ARID1B: variants seen among roughly 807,000 people sequenced by gnomAD.
ARID1B encodes AT-rich interactive domain-containing protein 1B.
ARID1B carries 30 observed loss-of-function variants against 212.3 expected under a neutral mutation model. The observed-to-expected ratio is 0.14, with a 90% confidence interval of 0.11 to 0.19. The LOEUF is 0.19. Among genes scored for constraint, ARID1B ranks in the 10% least tolerant of loss-of-function variants. ARID1B has a pLI of 1.00. For synonymous variants in ARID1B, 1,402 were observed against 1,301.7 expected, an observed-to-expected ratio of 1.08 and a Z score of -1.66; for missense variants, 2,891 against 3,204.0, an observed-to-expected ratio of 0.90 and a Z score of 2.36.
chr6:156,864,603 C>T (rs1420581366), intron 2 of ARID1B, among the ~76,000 whole-genome samples: 1 of 152,190 alleles, frequency 6.6e-6, no homozygotes, highest in Non-Finnish European at 1.5e-5. Flanking sequence ...GCCCACGTCC[C>T]CAGAGGCGTC....
intron 6 of ARID1B, among the ~76,000 whole-genome samples, chr6:157,125,228 T>C (rs1788057122): frequency 6.6e-6 from 1 of 152,106 alleles, no homozygotes; most frequent in Non-Finnish European, 1.5e-5. Flanking sequence ...GCACCAGCCT[T>C]GGGCACAAGC....
At chr6:156,926,775 A>G (rs112945826) in intron 3 of ARID1B, among the ~76,000 whole-genome samples, 6,181 of 152,198 alleles carry the variant, frequency 0.041, 426 homozygotes, top group African/African-American at 0.14. Flanking sequence ...TTCGCCTCCC[A>G]GGTTCAAGTG....
At chr6:157,128,193 G>A (rs1788272349) in intron 6 of ARID1B, among the ~76,000 whole-genome samples, 1 of 152,098 alleles carries the variant, frequency 6.6e-6, no homozygotes, top group Non-Finnish European at 1.5e-5. Context: ...AATTTGTTTA[G>A]GAGATTATGG....
Position 157,174,953 on chromosome 6 carries a change from A to G in ARID1B, c.3452A>G (p.Asp1151Gly). 1 of 1,532,326 alleles carries G rather than the reference A, an allele frequency of 6.5e-7. No homozygotes were observed. Among genetic ancestry groups the G allele is most frequent in the Non-Finnish European group, 8.8e-7 (1 of 1,137,596 alleles). The allele number at this position is 1,532,326 out of a possible 1,614,324, so 94.9% of individuals were successfully genotyped here. ...SSASISSFHGDESDSISSPGW... is the reference protein window; with the variant it reads ...SSASISSFHGGESDSISSPGW... ...GCTAGCATCTCCTCATTTCATGGAG[A>G]TGAAAGTGATAGCATTAGCAGCCCA... Residue 1151 changes from aspartate (D) to glycine (G), a missense_variant, in exon 11 of 20, where the codon GAT becomes GGT. Physicochemically the swap from Asp to Gly is moderately conservative, Grantham distance 94. Around this residue, in one of 7 missense-constraint regions of ARID1B, gnomAD observed 666 missense variants for 873.5 expected, o/e 0.76. Coordinates refer to ENST00000636930, the MANE Select transcript of ARID1B (RefSeq NM_001374828.1).
intron 4 of ARID1B, among the ~76,000 whole-genome samples, chr6:156,980,084 A>G (rs1777511250): frequency 6.6e-6 from 1 of 152,198 alleles, no homozygotes; most frequent in South Asian, 2.1e-4. Context: ...TAAGGAAAGT[A>G]TATGTAAAAA....
At chr6:157,127,737 C>G (rs977947099) in intron 6 of ARID1B, among the ~76,000 whole-genome samples, 11 of 141,110 alleles carry the variant, frequency 7.8e-5, no homozygotes, top group Non-Finnish European at 1.5e-5. Context: ...GATCGCGCCA[C>G]TGTGCCACTA....
rs1779998508 is a variant in ARID1B at position 157,017,901 on chromosome 6, A to G, written c.2248-66761A>G. 2.0e-5 allele frequency among the ~76,000 whole-genome samples: 3 copies of G among 151,306 alleles called. No individual in the cohort carries two copies. In the South Asian group the frequency reaches 6.3e-4, roughly 32 times the overall value. ...AGCACTTTGGGAAGCTGAGGCAGACAGAAGGATTGCTTGAGCCCAGGAGTT... is the reference window on the plus strand; with the variant it reads ...AGCACTTTGGGAAGCTGAGGCAGACGGAAGGATTGCTTGAGCCCAGGAGTT... On this transcript the variant is annotated intron_variant, in intron 4 of 19. Coordinates refer to ENST00000636930, the MANE Select transcript of ARID1B (RefSeq NM_001374828.1).
At chr6:156,850,149 G>A (rs1453919781) in intron 2 of ARID1B, among the ~76,000 whole-genome samples, 1 of 151,382 alleles carries the variant, frequency 6.6e-6, no homozygotes, top group Non-Finnish European at 1.5e-5. Context: ...TTGACAGGCT[G>A]CACTGTACAC....
chr6:157,005,867 T>A (rs187604650), intron 4 of ARID1B, among the ~76,000 whole-genome samples: 39 of 152,304 alleles, frequency 2.6e-4, no homozygotes, highest in Middle Eastern at 3.4e-3. Context: ...AACTTAAAAC[T>A]CTCTGGGGTC....
chr6:156,856,692 TCTCTCTCTCACACACACACA>T (rs1328737082), intron 2 of ARID1B, among the ~76,000 whole-genome samples: 4 of 83,402 alleles, frequency 4.8e-5, no homozygotes, highest in Non-Finnish European at 7.6e-5. Context: ...TCTCTCTCTC[TCTCTCTCTCACACACACACA>T]CACACACACA....
In ARID1B at chr6:157,210,741, A is replaced by G. The variant is rs1445137496; in HGVS notation, c.*2850A>G. ...AAAAAGATAAAAAATAAAGGTGCAA[A>G]GAAAGTTTAGTATTTTGGAATGGTG... On this transcript the variant is annotated 3_prime_UTR_variant, in exon 20 of 20. Transcript: ENST00000636930. 2 of 231,372 alleles carry G rather than the reference A, an allele frequency of 8.6e-6. No homozygotes were observed. Among genetic ancestry groups the G allele is most frequent in the Non-Finnish European group, 1.7e-5 (2 of 117,148 alleles). 14.3% of individuals were successfully genotyped at this position (231,372 alleles called of 1,614,324 possible).
rs760718156 is a variant in ARID1B at position 156,779,116 on chromosome 6, G to A, written c.1436G>A (p.Gly479Asp). 8.9e-6 allele frequency: 11 copies of A among 1,237,148 alleles called. No homozygotes were observed. Among genetic ancestry groups the A allele is most frequent in the African/African-American group, 1.6e-5 (1 of 62,576 alleles). The allele number at this position is 1,237,148 out of a possible 1,614,324, so 76.6% of individuals were successfully genotyped here. ...GAASLSKAAA[G>D]SAAGGFQRFA... ...GCGAGCCTCAGCAAGGCGGCCGCCG[G>A]CTCGGCGGCGGGGGGCTTCCAGCGC... Residue 479 changes from glycine (G) to aspartate (D), a missense_variant, in exon 1 of 20, where the codon GGC (glycine) becomes GAC (aspartate). By Grantham distance (94) the Gly-to-Asp change is moderately conservative. Transcript: ENST00000636930.
At chr6:156,905,883 C>T (rs1329822879) in intron 3 of ARID1B, among the ~76,000 whole-genome samples, 1 of 152,148 alleles carries the variant, frequency 6.6e-6, no homozygotes, top group African/African-American at 2.4e-5. Context: ...ATGGGATCTT[C>T]TGTGAAACAG....
rs1318967699 is a variant in ARID1B, at chr6:157,084,819, C to A, written c.2405C>A (p.Pro802Gln). 3.1e-6 allele frequency: 5 copies of A among 1,613,922 alleles called. No homozygotes were observed. Among genetic ancestry groups the A allele is most frequent in the African/African-American group, 2.7e-5 (2 of 74,894 alleles). The change falls in exon 5 of 20, where the codon CCG becomes CAG. Residue 802 changes from proline (P) to glutamine (Q), a missense_variant. Pro to Gln is a moderately conservative substitution (Grantham distance 76, BLOSUM62 -1). Around this residue, in one of 7 missense-constraint regions of ARID1B, gnomAD observed 1,643 missense variants for 1,544.0 expected, o/e 1.06. Transcript: ENST00000636930. ...PHASPHLSSI[P>Q]GGPSPSPVGS... is the part of the protein sequence containing the mutation. ...GCGTCCCCTCATCTCTCCAGCATCC[C>A]GGGGGGCCCATCTCCCTCTCCTGTT...
chr6:157,145,197 G>A lies in ARID1B; in HGVS notation c.2762-3427G>A, dbSNP rs117336408. On this transcript the variant is annotated intron_variant, in intron 7 of 19. Coordinates refer to ENST00000636930, the MANE Select transcript of ARID1B (RefSeq NM_001374828.1). Reference sequence around the variant, plus strand: ...CTGACTTGACCAGGTCTTACTTGCTGTTGCTAGTGTAGCAGTTTATTAGCT... The same window carrying A: ...CTGACTTGACCAGGTCTTACTTGCTATTGCTAGTGTAGCAGTTTATTAGCT... Among the ~76,000 whole-genome samples the A allele has an allele frequency of 9.1e-4, 138 of 152,304 alleles. No individual in the cohort carries two copies. In the East Asian group the frequency reaches 0.023, roughly 25 times the overall value.
chr6:156,852,558 AT>A (rs1448525640), intron 2 of ARID1B, among the ~76,000 whole-genome samples: 5 of 152,040 alleles, frequency 3.3e-5, no homozygotes, highest in Middle Eastern at 3.4e-3. Context: ...GAAGGATGTA[AT>A]TTTTCCCCCT....
chr6:157,044,408 A>G (rs982636272), intron 4 of ARID1B, among the ~76,000 whole-genome samples: 2 of 152,198 alleles, frequency 1.3e-5, no homozygotes, highest in African/African-American at 4.8e-5. Context: ...CACTTCCCTC[A>G]TATAAAAACA....
intron 4 of ARID1B, among the ~76,000 whole-genome samples, chr6:157,003,823 T>TA (rs1318310357): frequency 2.0e-5 from 3 of 152,078 alleles, no homozygotes; most frequent in Non-Finnish European, 4.4e-5. Context: ...CAAGTAGCTA[T>TA]GACTATAGGT....
chr6:156,856,706 A>T (rs71549189), intron 2 of ARID1B, among the ~76,000 whole-genome samples: 21,956 of 63,614 alleles, frequency 0.35, 1,838 homozygotes, highest in Non-Finnish European at 0.4. Flanking sequence ...TCTCTCACAC[A>T]CACACACACA....
Sources: allele counts gnomAD v4.1 joint callset (sites outside exome capture counted in the v4.1 genomes callset), GRCh38; gene constraint gnomAD v4.1.1; regional missense constraint gnomAD v4.1.1; transcripts MANE v1.5; gene names NCBI Gene and HGNC (gene_info 2026-07-23, HGNC 2026-07-21).